Variants in CDK14 observed in about 807,000 individuals in gnomAD.
CDK14 encodes the protein cyclin-dependent kinase 14.
In CDK14, 34 loss-of-function variants were observed where a neutral mutation model predicts 60.7. The ratio of observed to expected loss-of-function variants is 0.56; its 90% confidence interval spans 0.43 to 0.75. The LOEUF (loss-of-function observed/expected upper bound fraction) is 0.75, where lower values mean the gene tolerates loss of function less well. Ranked by LOEUF, CDK14 falls within the 30% of genes least tolerant of loss-of-function variation. The pLI, the probability that CDK14 is intolerant of heterozygous loss-of-function variation, is 0.00. For missense variants in CDK14, 482 were observed against 564.1 expected, an observed-to-expected ratio of 0.85 and a Z score of 1.47; for synonymous variants, 197 against 203.7, an observed-to-expected ratio of 0.97 and a Z score of 0.28.
intron 5 of CDK14, among the ~76,000 whole-genome samples, chr7:90,803,374 T>C (rs1788715565): frequency 6.6e-6 from 1 of 152,082 alleles, no homozygotes; most frequent in African/African-American, 2.4e-5. Flanking sequence ...AGGCAAAAAA[T>C]TAATGGGCCT....
At chr7:90,794,386 A>G (rs763529836) in intron 5 of CDK14, among the ~76,000 whole-genome samples, 1 of 152,138 alleles carries the variant, frequency 6.6e-6, no homozygotes, top group Non-Finnish European at 1.5e-5. Flanking sequence ...TCCTCATCCT[A>G]ATAAGCCTGC....
At chr7:90,962,423 T>A (rs1199355137) in intron 9 of CDK14, among the ~76,000 whole-genome samples, 1 of 152,016 alleles carries the variant, frequency 6.6e-6, no homozygotes, top group Non-Finnish European at 1.5e-5. Context: ...GAGGCAGAGG[T>A]TACAGTGAGT....
At chr7:91,040,298 C>T (rs1797052713) in intron 10 of CDK14, among the ~76,000 whole-genome samples, 2 of 152,158 alleles carry the variant, frequency 1.3e-5, no homozygotes, top group African/African-American at 2.4e-5. Flanking sequence ...TCTGCTTTCT[C>T]TCTCTGGCTC....
chr7:90,962,491 GAAA>G (rs947122629), intron 9 of CDK14, among the ~76,000 whole-genome samples: 3 of 141,602 alleles, frequency 2.1e-5, no homozygotes, highest in African/African-American at 5.2e-5. Flanking sequence ...GTCTCAAAAA[GAAA>G]AAAAAAAAGT....
chr7:90,785,636 A>G (rs529749927), intron 4 of CDK14, among the ~76,000 whole-genome samples: 1 of 152,100 alleles, frequency 6.6e-6, no homozygotes, highest in South Asian at 2.1e-4. Context: ...ATACAAAAAA[A>G]ATTAGCTAGG....
At chr7:90,607,520 T>C (rs1030615584) in intron 2 of CDK14, among the ~76,000 whole-genome samples, 1 of 152,208 alleles carries the variant, frequency 6.6e-6, no homozygotes, top group Admixed American at 6.5e-5. Context: ...TACAGACTTA[T>C]TTAATCATAG....
chr7:90,665,581 G>A (rs1800962333), intron 2 of CDK14, among the ~76,000 whole-genome samples: 2 of 152,208 alleles, frequency 1.3e-5, no homozygotes, highest in South Asian at 2.1e-4. Flanking sequence ...TGATGATAGA[G>A]TAGCTTTTAA....
chr7:90,979,722 C>T (rs1795179156), intron 9 of CDK14: 1 of 152,182 alleles, frequency 6.6e-6, no homozygotes, highest in Non-Finnish European at 1.5e-5. Flanking sequence ...ATTATCTCTA[C>T]ATTCTCGTTA....
intron 3 of CDK14, among the ~76,000 whole-genome samples, chr7:90,731,052 G>A (rs1477123474): frequency 1.3e-5 from 2 of 152,158 alleles, no homozygotes; most frequent in African/African-American, 2.4e-5. Context: ...AAGGGATCCA[G>A]TTTTGGCTTT....
At chr7:91,176,246 G>A (rs1164773661) in intron 14 of CDK14, among the ~76,000 whole-genome samples, 2 of 152,288 alleles carry the variant, frequency 1.3e-5, no homozygotes, top group Non-Finnish European at 2.9e-5. Flanking sequence ...AAATAAAGAT[G>A]TTCTTTGAAC....
intron 5 of CDK14, among the ~76,000 whole-genome samples, chr7:90,822,299 T>G (rs1789578498): frequency 1.3e-5 from 2 of 152,198 alleles, no homozygotes; most frequent in South Asian, 4.1e-4. Flanking sequence ...CTAGTAAGAT[T>G]GTATTTGAGC....
intron 2 of CDK14, among the ~76,000 whole-genome samples, chr7:90,641,942 C>T (rs1283900163): frequency 6.6e-6 from 1 of 152,100 alleles, no homozygotes; most frequent in African/African-American, 2.4e-5. Flanking sequence ...AGAGCTTGTG[C>T]AGGAAAACTC....
chr7:90,905,124 A>T (rs959501089), intron 7 of CDK14, among the ~76,000 whole-genome samples: 6 of 152,204 alleles, frequency 3.9e-5, no homozygotes, highest in African/African-American at 1.4e-4. Flanking sequence ...AAAATCCACT[A>T]CTGGAGAGAG....
intron 5 of CDK14, among the ~76,000 whole-genome samples, chr7:90,849,108 A>C (rs1420657319): frequency 6.6e-6 from 1 of 151,832 alleles, no homozygotes; most frequent in Non-Finnish European, 1.5e-5. Flanking sequence ...GCCTGTTGGG[A>C]GGTGTTTGGG....
intron 8 of CDK14, among the ~76,000 whole-genome samples, chr7:90,926,725 A>G (rs1793427001): frequency 1.3e-5 from 2 of 152,200 alleles, no homozygotes; most frequent in Non-Finnish European, 2.9e-5. Context: ...GATTCTATTT[A>G]TTTCTGACAC....
intron 2 of CDK14, among the ~76,000 whole-genome samples, chr7:90,705,266 A>G (rs1359156807): frequency 6.6e-6 from 1 of 151,916 alleles, no homozygotes; most frequent in Non-Finnish European, 1.5e-5. Context: ...CTCATATTTA[A>G]AATTTTCTTA....
intron 14 of CDK14, among the ~76,000 whole-genome samples, chr7:91,202,561 C>T (rs1562993168): frequency 6.6e-6 from 1 of 152,202 alleles, no homozygotes; most frequent in Admixed American, 6.5e-5. Context: ...CCACCTAAAT[C>T]CCCATTCATC....
rs1242677980 is a variant in CDK14 at position 90,792,101 on chromosome 7, C to T, written c.544+1449C>T. On this transcript the variant is annotated intron_variant, in intron 5 of 14. Transcript: ENST00000380050. ...ATTTTTAGTAGAGATGGGGTTTCAC[C>T]GTGTTGGCCAGGCTGGTCTCGAACT... is the stretch of plus-strand genomic sequence containing the variant. Among the ~76,000 whole-genome samples, 4 of 151,922 alleles carry T rather than the reference C, an allele frequency of 2.6e-5. No individual in the cohort carries two copies. The South Asian group carries it at 8.3e-4, about 32-fold the overall frequency.
At chr7:91,118,977 T>G (rs1799698291) in intron 14 of CDK14, among the ~76,000 whole-genome samples, 1 of 152,156 alleles carries the variant, frequency 6.6e-6, no homozygotes, top group Non-Finnish European at 1.5e-5. Flanking sequence ...AAAGGCCATC[T>G]TTCTTGATTG....
Sources: allele counts gnomAD v4.1 joint callset (sites outside exome capture counted in the v4.1 genomes callset), GRCh38; gene constraint gnomAD v4.1.1; transcripts MANE v1.5; gene names NCBI Gene and HGNC (gene_info 2026-07-23, HGNC 2026-07-21).